CHRNE: variants seen among roughly 807,000 people sequenced by gnomAD.
CHRNE encodes acetylcholine receptor subunit epsilon.
In CHRNE, 58 loss-of-function variants were observed where a neutral mutation model predicts 56.5. That is an observed-to-expected ratio of 1.03 (90% CI 0.83 to 1.28). CHRNE has a LOEUF of 1.28. Among genes scored for constraint, CHRNE ranks in the 50% most tolerant of loss-of-function variants. The pLI is 0.00. For synonymous variants in CHRNE, 385 were observed against 297.9 expected, an observed-to-expected ratio of 1.29 and a Z score of -3.01; for missense variants, 793 against 688.9, an observed-to-expected ratio of 1.15 and a Z score of -1.69.
chr17:4,907,621 C>T (rs967431886), upstream of CHRNE, among the ~76,000 whole-genome samples: 5 of 151,258 alleles, frequency 3.3e-5, no homozygotes, highest in African/African-American at 9.7e-5. Context: ...GTGTCCCCTG[C>T]TCTAAGTAGT....
In CHRNE at chr17:4,898,778, GTTGAA is replaced by G. The variant is rs1427320694; in HGVS notation, c.1435_1439del (p.Phe479ProfsTer4). 6.2e-7 allele frequency: 1 copy of G among 1,610,100 alleles called. No homozygotes were observed. The highest frequency in any genetic ancestry group is 8.5e-7 in the Non-Finnish European group (1 of 1,178,624). On this transcript the variant is annotated frameshift_variant, in exon 12 of 12. Transcript: ENST00000649488. LOFTEE classifies it high-confidence loss of function. ...GCGCGTAGGGGAGATCAGGCACTCG[GTTGAA>G]GTAGGCCCCGAGGAAGATGAGGCTG...
rs761183088 is a variant in CHRNE, at chr17:4,902,773, G to A, written c.47-10C>T. 1.2e-6 allele frequency: 2 copies of A among 1,613,892 alleles called. No individual in the cohort carries two copies. The highest frequency in any genetic ancestry group is 1.3e-5 in the African/African-American group (1 of 74,876). On this transcript the variant is annotated splice_polypyrimidine_tract_variant and intron_variant, in intron 1 of 11. Transcript: ENST00000649488. The surrounding 1 kb of genome is among the most constrained non-coding windows in gnomAD (Gnocchi z 4.0). ...TTCCCCACACCCCTGCCTGCGATGG[G>A]GTCAAGAAGGAAGGGTCATTGGCAA... is the stretch of plus-strand genomic sequence containing the variant.
rs745821689 is a variant in CHRNE, at chr17:4,900,892, C to G, written c.818G>C (p.Cys273Ser). The change falls in exon 8 of 12, where the codon TGC becomes TCC. Residue 273 changes from cysteine to serine, a missense_variant. Coordinates refer to ENST00000649488, the MANE Select transcript of CHRNE (RefSeq NM_000080.4). ...FLPAQAGGQK[C>S]TVSINVLLAQ... ...GAGCAGGACGTTGATGGAGACCGTG[C>G]ATTTCTGGCCGCCGGCTGGAGGGAG... is the stretch of plus-strand genomic sequence containing the variant. 38 of 1,614,064 alleles carry G rather than the reference C, an allele frequency of 2.4e-5. No homozygotes were observed. In the East Asian group the frequency reaches 7.8e-4, roughly 33 times the overall value.
At position 4,899,584 on chromosome 17, in the gene CHRNE, TGAG is replaced by T; in HGVS notation, c.918-5_918-3del. On this transcript the variant is annotated splice_polypyrimidine_tract_variant and splice_region_variant and intron_variant, in intron 8 of 11. Coordinates refer to ENST00000649488, the MANE Select transcript of CHRNE (RefSeq NM_000080.4). The stretch of plus-strand genomic sequence containing the variant: ...ACCACCATGACGAAAATAAGGAACC[TGAG>T]GAGCCCGGAAGGCATGACATCACCG... 6.4e-7 allele frequency: 1 copy of T among 1,572,880 alleles called. No homozygotes were observed. The highest frequency in any genetic ancestry group is 1.2e-5 in the South Asian group (1 of 85,752).
Position 4,902,062 on chromosome 17 carries a change from A to G in CHRNE, c.370T>C (p.Tyr124His), listed in dbSNP as rs1207619232. 2 of 1,613,944 alleles carry G rather than the reference A, an allele frequency of 1.2e-6. No homozygotes were observed. The highest frequency in any genetic ancestry group is 2.7e-5 in the African/African-American group (2 of 74,932). ...TCGTAGACGAGCACGTTGGCGTCGT[A>G]GGCCACTCCGAACTGGCCATCAATA... ...NNIDGQFGVAYDANVLVYEGG... is the reference protein window; with the variant it reads ...NNIDGQFGVAHDANVLVYEGG... The change falls in exon 5 of 12, where the codon TAC becomes CAC. Residue 124 changes from tyrosine (Y) to histidine (H), a missense_variant. Tyr to His is a moderately conservative substitution (Grantham distance 83). Transcript: ENST00000649488. The surrounding 1 kb of genome is among the most constrained non-coding windows in gnomAD (Gnocchi z 4.0).
chr17:4,899,468 G>A lies in CHRNE; in HGVS notation c.1032C>T (p.His344=), dbSNP rs144047383. The change falls in exon 9 of 12, where the codon CAC becomes CAT. Residue 344 remains histidine (H), a splice_region_variant and synonymous_variant. Transcript: ENST00000649488. ...TTHAMSPRLR[H]VLLELLPRLL... ...GCTGCACCGCCCCCTCCGCGCTTAC[G>A]TGGCGCAGCCGCGGGGACATGGCGT... The A allele has an allele frequency of 8.2e-5, 131 of 1,587,888 alleles. No individual in the cohort carries two copies. Among genetic ancestry groups the A allele is most frequent in the Admixed American group, 6.3e-4 (35 of 55,828 alleles).
intron 5 of CHRNE, 96 bp from the exon 6 acceptor site, chr17:4,901,721 TCCCAAGCCCACCCCTTCA>T (rs1288113424): frequency 7.4e-6 from 10 of 1,344,942 alleles, no homozygotes; most frequent in Non-Finnish European, 1.1e-5. Context: ...GGGGCCGCGA[TCCCAAGCCCACCCCTTCA>T]CCCAAGCCCA....
At chr17:4,899,768 G>A in intron 8 of CHRNE, 186 bp from the exon 9 acceptor site, 1 of 1,551,242 alleles carries the variant, frequency 6.4e-7, no homozygotes, top group East Asian at 2.4e-5. Context: ...CGGCCATGAA[G>A]GGGACCCCCA....
rs958078989 is a variant in CHRNE, at chr17:4,902,050, C to A, written c.382G>T (p.Val128Leu). Residue 128 changes from valine to leucine, a missense_variant, in exon 5 of 12, where the codon GTG (valine) becomes TTG (leucine). Coordinates refer to ENST00000649488, the MANE Select transcript of CHRNE (RefSeq NM_000080.4). The surrounding 1 kb of genome is among the most constrained non-coding windows in gnomAD (Gnocchi z 4.0). ...GQFGVAYDAN[V>L]LVYEGGSVTW... is the part of the protein sequence containing the mutation. ...ACGGAGCCGCCCTCGTAGACGAGCACGTTGGCGTCGTAGGCCACTCCGAAC... is the reference window on the plus strand; with the variant it reads ...ACGGAGCCGCCCTCGTAGACGAGCAAGTTGGCGTCGTAGGCCACTCCGAAC... 2 of 1,613,990 alleles carry A rather than the reference C, an allele frequency of 1.2e-6. No individual in the cohort carries two copies. Among genetic ancestry groups the A allele is most frequent in the East Asian group, 2.2e-5 (1 of 44,886 alleles).
intron 11 of CHRNE, 24 bp from the exon 12 acceptor site, chr17:4,898,915 G>T (rs1249112492): frequency 1.3e-6 from 2 of 1,570,234 alleles, no homozygotes; most frequent in South Asian, 2.3e-5. Context: ...GGCACAGTCA[G>T]TAAAGAGGCA....
intron 8 of CHRNE, 36 bp downstream of exon 8, chr17:4,900,757 A>G: frequency 6.3e-6 from 10 of 1,590,570 alleles, no homozygotes; most frequent in Non-Finnish European, 8.6e-6. Context: ...CCCACCCTTC[A>G]CACTGGCCAC....
At position 4,898,356 on chromosome 17, in the gene CHRNE, G is replaced by A. The variant is rs1440287475; in HGVS notation, c.*380C>T. 1 of 322,566 alleles carries A rather than the reference G, an allele frequency of 3.1e-6. No homozygotes were observed. The highest frequency in any genetic ancestry group is 6.0e-6 in the Non-Finnish European group (1 of 165,798). 20.0% of individuals were successfully genotyped at this position (322,566 alleles called of 1,614,324 possible). The stretch of plus-strand genomic sequence containing the variant: ...AGGGTTTCCTGGCTACAGCCTCCCT[G>A]TGTGCAAGTCCTGCAAAGGGGTCTC... On this transcript the variant is annotated 3_prime_UTR_variant, in exon 12 of 12. Coordinates refer to ENST00000649488, the MANE Select transcript of CHRNE (RefSeq NM_000080.4).
At position 4,899,058 on chromosome 17, in the gene CHRNE, A is replaced by C. The variant is rs749273134; in HGVS notation, c.1269T>G (p.Cys423Trp). 3.7e-6 allele frequency: 6 copies of C among 1,611,690 alleles called. No homozygotes were observed. Among genetic ancestry groups the C allele is most frequent in the Non-Finnish European group, 4.2e-6 (5 of 1,179,624 alleles). ...LGAAAPEVRC[C>W]VDAVNFVAES... ...CGGCCACGAAGTTCACGGCATCCAC[A>C]CAGCAGCGGACCTCGGGGGCGGCGG... Residue 423 changes from cysteine (C) to tryptophan (W), a missense_variant, in exon 11 of 12, where the codon TGT becomes TGG. Transcript: ENST00000649488.
At chr17:4,904,657 GGCA>G, upstream of CHRNE, among the ~76,000 whole-genome samples, 1 of 152,156 alleles carries the variant, frequency 6.6e-6, no homozygotes, top group Non-Finnish European at 1.5e-5. Context: ...CAAGTAGATT[GGCA>G]ATAATGCATG....
At chr17:4,907,580 A>AC (rs1567641918), upstream of CHRNE, among the ~76,000 whole-genome samples, 1 of 148,168 alleles carries the variant, frequency 6.7e-6, no homozygotes. Flanking sequence ...AAAAAAAAAA[A>AC]AAAAAAAAAA....
rs781253835 is a variant in CHRNE, at chr17:4,899,496, G to A, written c.1004C>T (p.Thr335Ile). 48 of 1,601,938 alleles carry A rather than the reference G, an allele frequency of 3.0e-5. No individual in the cohort carries two copies. Among genetic ancestry groups the A allele is most frequent in the Non-Finnish European group, 3.8e-5 (45 of 1,175,688 alleles). The change falls in exon 9 of 12, where the codon ACC becomes ATC. Residue 335 changes from threonine (T) to isoleucine (I), a missense_variant. Transcript: ENST00000649488. ...VLNVSQRTPT[T>I]HAMSPRLRHV... ...GCGCAGCCGCGGGGACATGGCGTGG[G>A]TGGTGGGCGTCCGCTGGGACACGTT...
upstream of CHRNE, among the ~76,000 whole-genome samples, chr17:4,903,556 AAC>A (rs1173461766): frequency 1.3e-5 from 2 of 152,172 alleles, no homozygotes. Context: ...AGTGGCAAAA[AAC>A]AGTCTCCATA....
chr17:4,899,661 G>T, intron 8 of CHRNE, 79 bp from the exon 9 acceptor site: 3 of 1,439,724 alleles, frequency 2.1e-6, no homozygotes, highest in Non-Finnish European at 1.9e-6. Flanking sequence ...TCACAAACAC[G>T]GCTTCTCCTG....
upstream of CHRNE, among the ~76,000 whole-genome samples, chr17:4,907,260 G>T (rs1970101753): frequency 6.6e-6 from 1 of 152,058 alleles, no homozygotes; most frequent in Admixed American, 6.6e-5. Context: ...TTATGGCAAG[G>T]GTCCTTCAAG....
Sources: gnomAD v4.1 joint callset for allele counts (sites outside exome capture counted in the v4.1 genomes callset) on GRCh38, gnomAD v4.1.1 for gene constraint, Gnocchi (gnomAD v3.1) non-coding constraint, MANE v1.5 for transcripts, NCBI Gene and HGNC (gene_info 2026-07-23, HGNC 2026-07-21) for gene names.